Variants in CDK14 observed in about 807,000 individuals in gnomAD.
CDK14 encodes the protein cyclin-dependent kinase 14.
CDK14 carries 34 observed loss-of-function variants against 60.7 expected under a neutral mutation model. The observed-to-expected ratio is 0.56, with a 90% CI of 0.43 to 0.75. The LOEUF (loss-of-function observed/expected upper bound fraction) is 0.75. CDK14 is among the 30% of genes least tolerant of loss of function. The pLI is 0.00. For missense variants in CDK14, 482 were observed against 564.1 expected, an observed-to-expected ratio of 0.85 and a Z score of 1.47; for synonymous variants, 197 against 203.7, an observed-to-expected ratio of 0.97 and a Z score of 0.28.
At chr7:91,194,636 G>A (rs1056079945) in intron 14 of CDK14, among the ~76,000 whole-genome samples, 1 of 152,022 alleles carries the variant, frequency 6.6e-6, no homozygotes, top group Non-Finnish European at 1.5e-5. Context: ...GGTGCTTAGG[G>A]TGCGATTTTA....
At chr7:90,882,103 A>AG (rs1791775313) in intron 6 of CDK14, among the ~76,000 whole-genome samples, 1 of 152,166 alleles carries the variant, frequency 6.6e-6, no homozygotes, top group Non-Finnish European at 1.5e-5. Context: ...CCTTAAATGT[A>AG]AGTGGGCTAA....
intron 14 of CDK14, among the ~76,000 whole-genome samples, chr7:91,170,538 C>T (rs943375517): frequency 2.0e-5 from 3 of 152,010 alleles, no homozygotes; most frequent in African/African-American, 7.2e-5. Context: ...CACCTTGGTA[C>T]TCCTGTCCAC....
At chr7:91,028,859 G>A (rs1413608814) in intron 10 of CDK14, among the ~76,000 whole-genome samples, 2 of 152,040 alleles carry the variant, frequency 1.3e-5, no homozygotes, top group East Asian at 1.9e-4. Flanking sequence ...TTTGTTGGAT[G>A]TATAGTTTAT....
chr7:91,023,147 A>G (rs913751331), intron 10 of CDK14, among the ~76,000 whole-genome samples: 1 of 152,046 alleles, frequency 6.6e-6, no homozygotes, highest in Non-Finnish European at 1.5e-5. Context: ...ATGATGATGT[A>G]TTTTTCATAT....
intron 14 of CDK14, among the ~76,000 whole-genome samples, chr7:91,144,379 A>T (rs549005393): frequency 1.3e-5 from 2 of 152,252 alleles, no homozygotes; most frequent in Non-Finnish European, 1.5e-5. Flanking sequence ...CAATTTCTAC[A>T]TAAGCATTTG....
chr7:91,187,408 C>G (rs1409441664), intron 14 of CDK14, among the ~76,000 whole-genome samples: 4 of 152,188 alleles, frequency 2.6e-5, no homozygotes, highest in Non-Finnish European at 2.9e-5. Flanking sequence ...CCATTAATCC[C>G]ATAATTATCT....
intron 2 of CDK14, among the ~76,000 whole-genome samples, chr7:90,659,728 A>C (rs1379254358): frequency 6.6e-6 from 1 of 152,164 alleles, no homozygotes; most frequent in African/African-American, 2.4e-5. Flanking sequence ...AAATGAAGGA[A>C]AGTGTCCAAG....
At chr7:90,837,150 G>A (rs1341200363) in intron 5 of CDK14, among the ~76,000 whole-genome samples, 3 of 152,104 alleles carry the variant, frequency 2.0e-5, no homozygotes, top group African/African-American at 2.4e-5. Flanking sequence ...CCTTTGGACC[G>A]TATGGCAATG....
rs547359280 is a variant in CDK14, at chr7:90,843,201, C to T, written c.545-19974C>T. 7.2e-5 allele frequency among the ~76,000 whole-genome samples: 11 copies of T among 152,212 alleles called. No homozygotes were observed. The South Asian group carries it at 2.1e-3, about 29-fold the overall frequency. On this transcript the variant is annotated intron_variant, in intron 5 of 14. Transcript: ENST00000380050. Reference sequence around the variant, plus strand: ...TTTTGCACCCAATACTGCTAGTTCTCTTCTAGCTTTAATATTTTGGTTCAC... The same window carrying T: ...TTTTGCACCCAATACTGCTAGTTCTTTTCTAGCTTTAATATTTTGGTTCAC...
intron 10 of CDK14, among the ~76,000 whole-genome samples, chr7:91,031,801 C>T (rs1047797095): frequency 6.6e-6 from 1 of 152,198 alleles, no homozygotes; most frequent in Non-Finnish European, 1.5e-5. Flanking sequence ...ACTTGGTTTT[C>T]ATAGGAAATA....
chr7:90,596,783 T>C (rs1027801306), intron 1 of CDK14, 65 bp downstream of exon 1: 7 of 1,352,378 alleles, frequency 5.2e-6, no homozygotes, highest in Non-Finnish European at 7.3e-6. Flanking sequence ...CCCCGCCGCG[T>C]TCCTGGCACC....
intron 11 of CDK14, among the ~76,000 whole-genome samples, chr7:91,078,439 T>C (rs1381283629): frequency 6.6e-6 from 1 of 152,140 alleles, no homozygotes; most frequent in Non-Finnish European, 1.5e-5. Context: ...ACACCCTGTC[T>C]CTACTAAAAA....
At chr7:91,115,475 C>T (rs1317153599) in intron 13 of CDK14, among the ~76,000 whole-genome samples, 1 of 152,108 alleles carries the variant, frequency 6.6e-6, no homozygotes, top group African/African-American at 2.4e-5. Context: ...GCCCCATCTC[C>T]AAATGCCATC....
At chr7:90,970,069 C>T (rs752154514) in intron 9 of CDK14, among the ~76,000 whole-genome samples, 6 of 151,386 alleles carry the variant, frequency 4.0e-5, no homozygotes, top group Non-Finnish European at 5.9e-5. Flanking sequence ...CAGGTTTAAG[C>T]GATCCTCTGC....
intron 5 of CDK14, among the ~76,000 whole-genome samples, chr7:90,826,538 A>G (rs1338489728): frequency 6.6e-6 from 1 of 152,030 alleles, no homozygotes; most frequent in Non-Finnish European, 1.5e-5. Context: ...TTTTTAAAGA[A>G]CTCAGTATCC....
intron 2 of CDK14, among the ~76,000 whole-genome samples, chr7:90,647,915 C>T (rs1295343048): frequency 6.6e-6 from 1 of 152,062 alleles, no homozygotes; most frequent in Non-Finnish European, 1.5e-5. Flanking sequence ...TGTTTCAGGT[C>T]CAGTCAGGGG....
Position 90,596,738 on chromosome 7 carries a change from C to G in CDK14, c.91+20C>G. ...GCATTGGTGAGTAGCGCGCTGCCCC[C>G]GGCCCCCCCAGCGCCCGCTCCCCTC... On this transcript the variant is annotated intron_variant, in intron 1 of 14. Coordinates refer to ENST00000380050, the MANE Select transcript of CDK14 (RefSeq NM_001287135.2). 6.3e-7 allele frequency: 1 copy of G among 1,592,162 alleles called. No homozygotes were observed. Among genetic ancestry groups the G allele is most frequent in the Non-Finnish European group, 8.6e-7 (1 of 1,162,490 alleles).
chr7:91,201,759 G>A (rs1013708377), intron 14 of CDK14, among the ~76,000 whole-genome samples: 18 of 152,184 alleles, frequency 1.2e-4, no homozygotes, highest in African/African-American at 3.1e-4. Context: ...AGCCTGGCTC[G>A]TTTTTAATTT....
chr7:90,650,541 G>A (rs10260859), intron 2 of CDK14, among the ~76,000 whole-genome samples: 82 of 152,290 alleles, frequency 5.4e-4, no homozygotes, highest in Middle Eastern at 6.8e-3. Flanking sequence ...CTAGGCCTAC[G>A]TCCTGAATGG....
Sources: allele counts gnomAD v4.1 joint callset (sites outside exome capture counted in the v4.1 genomes callset), GRCh38; gene constraint gnomAD v4.1.1; transcripts MANE v1.5; gene names NCBI Gene and HGNC (gene_info 2026-07-23, HGNC 2026-07-21).